The following TRAM2 variants were observed in gnomAD, a reference collection of about 807,000 sequenced individuals.
The protein encoded by TRAM2 is translocation associated membrane protein 2.
TRAM2 carries 12 observed loss-of-function variants against 51.0 expected under a neutral mutation model. The observed-to-expected ratio is 0.24, with a 90% confidence interval of 0.15 to 0.38. The LOEUF (loss-of-function observed/expected upper bound fraction) is 0.38. Among genes scored for constraint, TRAM2 ranks in the 10% least tolerant of loss-of-function variants. TRAM2 has a pLI of 1.00. For missense variants in TRAM2, 361 were observed against 462.0 expected (o/e 0.78, Z 2.00); for synonymous variants, 175 against 179.4 (o/e 0.98, Z 0.20).
chr6:52,564,951 G>A (rs770140979), intron 1 of TRAM2, among the ~76,000 whole-genome samples: 1 of 152,146 alleles, frequency 6.6e-6, no homozygotes, highest in Non-Finnish European at 1.5e-5. Context: ...ATGACTTGGA[G>A]TGCAGGGTGC....
At chr6:52,543,201 CTAATACT>C (rs1281239862) in intron 1 of TRAM2, among the ~76,000 whole-genome samples, 1 of 152,162 alleles carries the variant, frequency 6.6e-6, no homozygotes, top group Non-Finnish European at 1.5e-5. Context: ...CTAGGTATTT[CTAATACT>C]TACCACTTGA....
chr6:52,525,265 C>A (rs1022571424), intron 2 of TRAM2, among the ~76,000 whole-genome samples: 6 of 152,124 alleles, frequency 3.9e-5, no homozygotes, highest in Admixed American at 3.9e-4. Context: ...CTCATTAAAC[C>A]CTGAAGGCCT....
chr6:52,547,231 T>A (rs1424629510), intron 1 of TRAM2, among the ~76,000 whole-genome samples: 2 of 152,080 alleles, frequency 1.3e-5, no homozygotes, highest in Non-Finnish European at 2.9e-5. Context: ...TGGTTGGACA[T>A]GCAGAAAAAC....
intron 1 of TRAM2, among the ~76,000 whole-genome samples, chr6:52,543,491 A>G (rs559259631): frequency 3.9e-5 from 6 of 152,262 alleles, no homozygotes; most frequent in Non-Finnish European, 8.8e-5. Flanking sequence ...TTTTGGCCAA[A>G]AGCCACCTGT....
At position 52,501,897 on chromosome 6, in the gene TRAM2, G is replaced by A. The variant is rs528850301; in HGVS notation, c.*1300C>T. 2 of 152,136 alleles carry A rather than the reference G, an allele frequency of 1.3e-5. No homozygotes were observed. The highest frequency in any genetic ancestry group is 2.4e-5 in the African/African-American group (1 of 41,412). The allele number at this position is 152,136 out of a possible 1,614,324, so 9.4% of individuals were successfully genotyped here. A position where few individuals can be genotyped will look rare whatever the true frequency, so the allele number is the denominator to read the frequency against. ...ACGCCCCTTCTAAAAGTCCTCACAA[G>A]GCACCAAAAGGACTTGGAGGCCTTC... On this transcript the variant is annotated 3_prime_UTR_variant, in exon 11 of 11. Coordinates refer to ENST00000182527, the MANE Select transcript of TRAM2 (RefSeq NM_012288.4).
intron 1 of TRAM2, among the ~76,000 whole-genome samples, chr6:52,557,031 T>C (rs1370364748): frequency 6.6e-6 from 1 of 151,762 alleles, no homozygotes; most frequent in Non-Finnish European, 1.5e-5. Context: ...CTGTCTCTAC[T>C]AAAAATACAA....
chr6:52,504,967 G>C (rs1306540770), intron 9 of TRAM2, among the ~76,000 whole-genome samples: 1 of 152,236 alleles, frequency 6.6e-6, no homozygotes, highest in Non-Finnish European at 1.5e-5. Flanking sequence ...ATGTGCCAGG[G>C]AGACGGGAAG....
Position 52,505,691 on chromosome 6 carries a change from G to C in TRAM2, c.783C>G (p.Thr261=), listed in dbSNP as rs1345505155. 3.1e-6 allele frequency: 5 copies of C among 1,613,542 alleles called. No individual in the cohort carries two copies. The highest frequency in any genetic ancestry group is 4.2e-6 in the Non-Finnish European group (5 of 1,179,676). ...CAAAGCCAATGGCCAGCACGGCAAG[G>C]GTGAGGATGAAGAGGCGGGTAACCC... ...VFGVTRLFIL[T]LAVLAIGFGL... Residue 261 remains threonine (T), a synonymous_variant, in exon 9 of 11, where the codon ACC becomes ACG. Coordinates refer to ENST00000182527, the MANE Select transcript of TRAM2 (RefSeq NM_012288.4).
chr6:52,562,131 C>T (rs1255001640), intron 1 of TRAM2, among the ~76,000 whole-genome samples: 1 of 151,998 alleles, frequency 6.6e-6, no homozygotes, highest in African/African-American at 2.4e-5. Context: ...TCCACTTTAC[C>T]ACTCATGTAT....
intron 10 of TRAM2, 80 bp downstream of exon 10, chr6:52,504,511 A>G: frequency 1.3e-6 from 2 of 1,589,188 alleles, no homozygotes; most frequent in Non-Finnish European, 1.7e-6. Flanking sequence ...GCGCCCAAGA[A>G]GCCAGGTGCC....
At chr6:52,557,041 A>G (rs1310574426) in intron 1 of TRAM2, among the ~76,000 whole-genome samples, 1 of 152,166 alleles carries the variant, frequency 6.6e-6, no homozygotes, top group African/African-American at 2.4e-5. Flanking sequence ...TAAAAATACA[A>G]AAGTTAGCCA....
chr6:52,503,223 G>A lies in TRAM2; in HGVS notation c.1087C>T (p.Arg363Trp), dbSNP rs750740962. The A allele has an allele frequency of 7.4e-6, 12 of 1,613,770 alleles. No individual in the cohort carries two copies. The highest frequency in any genetic ancestry group is 1.6e-4 in the Middle Eastern group (1 of 6,084). ...TAGGGAGACTTGAGTTTCTTAGTCC[G>A]TGGGGAGGTTCCGTTCTCTGCCTTC... ...VVKAENGTSP[R>W]TKKLKSP is the part of the protein sequence containing the mutation. The change falls in exon 11 of 11, where the codon CGG (arginine) becomes TGG (tryptophan). Residue 363 changes from arginine to tryptophan, a missense_variant. Coordinates refer to ENST00000182527, the MANE Select transcript of TRAM2 (RefSeq NM_012288.4).
At chr6:52,574,770 T>C (rs898335533) in intron 1 of TRAM2, among the ~76,000 whole-genome samples, 3 of 152,190 alleles carry the variant, frequency 2.0e-5, no homozygotes, top group Non-Finnish European at 2.9e-5. Context: ...GCAGGTTTAA[T>C]GCACAGGACT....
At chr6:52,526,578 TG>T (rs1228181020) in intron 2 of TRAM2, among the ~76,000 whole-genome samples, 1 of 152,086 alleles carries the variant, frequency 6.6e-6, no homozygotes, top group East Asian at 1.9e-4. Context: ...TAATAGAGAC[TG>T]GGTTTCACCA....
chr6:52,565,296 C>G (rs984656019), intron 1 of TRAM2, among the ~76,000 whole-genome samples: 3 of 152,050 alleles, frequency 2.0e-5, no homozygotes, highest in African/African-American at 7.3e-5. Flanking sequence ...ATCAAATGCC[C>G]AAGCTAAAAC....
In TRAM2 at chr6:52,505,551, G is replaced by GT. The variant is rs148836354; in HGVS notation, c.875+47dup. 1,785 of 1,559,176 alleles carry GT rather than the reference G, an allele frequency of 1.1e-3. 10 individuals are homozygous for GT. The highest frequency in any genetic ancestry group is 9.0e-3 in the African/African-American group (660 of 73,724). On this transcript the variant is annotated intron_variant, in intron 9 of 10. Coordinates refer to ENST00000182527, the MANE Select transcript of TRAM2 (RefSeq NM_012288.4). ...AGACCTTCTGCAAGGGCTGTGCCAA[G>GT]TTCAGGAGGCTCCCTGGCTTATCAC... is the stretch of plus-strand genomic sequence containing the variant.
At chr6:52,568,640 T>C (rs988268204) in intron 1 of TRAM2, among the ~76,000 whole-genome samples, 3 of 152,332 alleles carry the variant, frequency 2.0e-5, no homozygotes, top group South Asian at 4.2e-4. Context: ...TAAATAATTA[T>C]GTAAATTCTG....
At position 52,511,255 on chromosome 6, in the gene TRAM2, A is replaced by G. The variant is rs561703335; in HGVS notation, c.412-1669T>C. ...GAGTAGCTGGGATTACAAGCACGCA[A>G]CACCACACCCGGCTATTTTTTGTAC... On this transcript the variant is annotated intron_variant, in intron 4 of 10. Transcript: ENST00000182527. Among the ~76,000 whole-genome samples the G allele has an allele frequency of 3.5e-4, 54 of 152,232 alleles. No individual in the cohort carries two copies. The East Asian group carries it at 7.7e-3, about 22-fold the overall frequency.
At position 52,535,849 on chromosome 6, in the gene TRAM2, G is replaced by T. The variant is rs1399763104; in HGVS notation, c.121-3C>A. ...AGAAAGGCAGTCTTGGCTGTGACCT[G>T]TAAAACAAAGGAAAAGAGTTCCAGT... On this transcript the variant is annotated splice_polypyrimidine_tract_variant and splice_region_variant and intron_variant, in intron 1 of 10. Transcript: ENST00000182527. The T allele has an allele frequency of 6.2e-7, 1 of 1,613,416 alleles. No individual in the cohort carries two copies. The highest frequency in any genetic ancestry group is 1.1e-5 in the South Asian group (1 of 91,052).
Sources: allele counts gnomAD v4.1 joint callset (sites outside exome capture counted in the v4.1 genomes callset), GRCh38; gene constraint gnomAD v4.1.1; transcripts MANE v1.5; gene names NCBI Gene and HGNC (gene_info 2026-07-23, HGNC 2026-07-21).